The following AHCY variants were observed in gnomAD, a reference collection of about 807,000 sequenced individuals.
The protein encoded by AHCY is adenosylhomocysteinase.
In AHCY, 24 loss-of-function variants were observed where a neutral mutation model predicts 45.4. That is an observed-to-expected ratio of 0.53 (90% CI 0.38 to 0.74). The LOEUF (loss-of-function observed/expected upper bound fraction) is 0.74. AHCY is among the 30% of genes least tolerant of loss of function. The pLI is 0.00. For synonymous variants in AHCY, 245 were observed against 235.1 expected, an observed-to-expected ratio of 1.04 and a Z score of -0.39; for missense variants, 449 against 594.1, an observed-to-expected ratio of 0.76 and a Z score of 2.54.
At chr20:34,276,211 G>A (rs556330464), downstream of AHCY, among the ~76,000 whole-genome samples, 14 of 152,300 alleles carry the variant, frequency 9.2e-5, no homozygotes, top group Middle Eastern at 3.4e-3. Flanking sequence ...GAAACACTGG[G>A]GACGTTGTTA....
chr20:34,290,796 C>T lies in AHCY; in HGVS notation c.701G>A (p.Gly234Asp). 1 of 1,614,194 alleles carries T rather than the reference C, an allele frequency of 6.2e-7. No homozygotes were observed. Among genetic ancestry groups the T allele is most frequent in the Non-Finnish European group, 8.5e-7 (1 of 1,180,028 alleles). ...GGTGATGATGACGCGGGCTCCGAAA[C>T]CCCGCAGGGCCTGGGCACAGCCCTT... ...VGKGCAQALR[G>D]FGARVIITEI... Residue 234 changes from glycine (G) to aspartate (D), a missense_variant, in exon 6 of 10, where the codon GGT (glycine) becomes GAT (aspartate). Coordinates refer to ENST00000217426, the MANE Select transcript of AHCY (RefSeq NM_000687.4). This position sits in a 1 kb window ranked among gnomAD's most constrained non-coding sequence, Gnocchi z 4.5.
chr20:34,298,762 T>C (rs2036670735), intron 1 of AHCY, among the ~76,000 whole-genome samples: 2 of 152,200 alleles, frequency 1.3e-5, no homozygotes, highest in African/African-American at 4.8e-5. Flanking sequence ...GTCACACTCC[T>C]AGTCTGCCTT....
At chr20:34,274,015 C>G in the AHCY span, among the ~76,000 whole-genome samples, 1 of 152,088 alleles carries the variant, frequency 6.6e-6, no homozygotes, top group Non-Finnish European at 1.5e-5. Flanking sequence ...ATTATTATGC[C>G]TTCTTTTTGC....
upstream of AHCY, among the ~76,000 whole-genome samples, chr20:34,307,629 C>T (rs937688663): frequency 2.6e-5 from 4 of 152,248 alleles, no homozygotes; most frequent in African/African-American, 9.6e-5. Context: ...GCCCTGGCTT[C>T]CCAAAGTATT....
At chr20:34,246,402 GCATATAT>G in the AHCY span, 69 of 1,375,456 alleles carry the variant, frequency 5.0e-5, no homozygotes, top group Non-Finnish European at 6.8e-5. Context: ...GCAACATCAG[GCATATAT>G]TCACAGTACT....
chr20:34,248,311 A>T, the AHCY span, among the ~76,000 whole-genome samples: 2 of 152,172 alleles, frequency 1.3e-5, no homozygotes, highest in South Asian at 4.1e-4. Flanking sequence ...AACTTTGGGG[A>T]AAAACATTCT....
the AHCY span, among the ~76,000 whole-genome samples, chr20:34,241,932 A>G: frequency 2.6e-5 from 4 of 152,358 alleles, no homozygotes; most frequent in African/African-American, 9.6e-5. Context: ...CATATTTATT[A>G]GAGATGAAAC....
chr20:34,269,686 T>C, the AHCY span, among the ~76,000 whole-genome samples: 1 of 150,908 alleles, frequency 6.6e-6, no homozygotes, highest in South Asian at 2.1e-4. Context: ...GGCTCACGCC[T>C]GTAATCCCAG....
chr20:34,290,276 A>G lies in AHCY; in HGVS notation c.972+56T>C. 4 of 1,540,000 alleles carry G rather than the reference A, an allele frequency of 2.6e-6. No homozygotes were observed. Among genetic ancestry groups the G allele is most frequent in the Non-Finnish European group, 3.6e-6 (4 of 1,116,442 alleles). On this transcript the variant is annotated intron_variant, in intron 8 of 9. Transcript: ENST00000217426. This position sits in a 1 kb window ranked among gnomAD's most constrained non-coding sequence, Gnocchi z 4.5. ...TCCTCAGCTCTCCTCCCTGGCAGCC[A>G]GCACTCCTCTGCACTCCCATCTGCC...
intron 1 of AHCY, chr20:34,302,816 C>A: frequency 9.8e-7 from 1 of 1,025,230 alleles, no homozygotes; most frequent in Non-Finnish European, 1.2e-6. Context: ...GTGCCCTCGC[C>A]GTCCCTGTAG....
In AHCY at chr20:34,308,936, G is replaced by A. The variant is rs141539073; in HGVS notation, c.-57+2536C>T. Among the ~76,000 whole-genome samples, 1,257 of 150,412 alleles carry A rather than the reference G, an allele frequency of 8.4e-3. 19 individuals are homozygous for A. The highest frequency in any genetic ancestry group is 0.029 in the African/African-American group (1,196 of 40,760). On this transcript the variant is annotated intron_variant, in intron 1 of 9. Coordinates refer to the AHCY transcript ENST00000538132. ...CCCAAAGTGCTGGGATTACAGGCGT[G>A]AGCCACTGCGCCTGGCCAATTTTTT...
At chr20:34,291,697 C>T (rs1265126875) in intron 4 of AHCY, among the ~76,000 whole-genome samples, 166 bp from the exon 5 acceptor site, 5 of 152,166 alleles carry the variant, frequency 3.3e-5, no homozygotes, top group Admixed American at 1.3e-4. Context: ...GAGTCCCCAA[C>T]GCCCTCCTAC....
At chr20:34,273,163 G>A in the AHCY span, among the ~76,000 whole-genome samples, 5 of 151,840 alleles carry the variant, frequency 3.3e-5, no homozygotes, top group African/African-American at 1.2e-4. Flanking sequence ...CCCAGAGGTT[G>A]GGGGATGGGG....
At chr20:34,232,752 C>T in the AHCY span, among the ~76,000 whole-genome samples, 7 of 152,168 alleles carry the variant, frequency 4.6e-5, no homozygotes, top group African/African-American at 1.2e-4. Flanking sequence ...GTATGTCCAC[C>T]TTTGACAGCA....
At chr20:34,303,358 A>G (rs1378006166), upstream of AHCY, 27 of 1,532,116 alleles carry the variant, frequency 1.8e-5, no homozygotes, top group Non-Finnish European at 2.1e-5. Context: ...GAGCAGGGAT[A>G]TGCGCGTGGC....
At chr20:34,294,247 T>C in intron 2 of AHCY, 91 bp from the exon 3 acceptor site, 1 of 1,168,894 alleles carries the variant, frequency 8.6e-7, no homozygotes, top group East Asian at 2.5e-5. Flanking sequence ...CTTCGGGTAG[T>C]GGGGAGAGGC....
downstream of AHCY, among the ~76,000 whole-genome samples, chr20:34,276,539 G>A (rs2035911775): frequency 6.6e-6 from 1 of 152,134 alleles, no homozygotes; most frequent in African/African-American, 2.4e-5. Flanking sequence ...ATGCTAAGCA[G>A]TGTGAATTTA....
At chr20:34,302,789 C>T (rs2036822797) in intron 1 of AHCY, 15 of 1,004,662 alleles carry the variant, frequency 1.5e-5, no homozygotes, top group Non-Finnish European at 1.8e-5. Context: ...CAGGCCTCTC[C>T]TCATACACCC....
In AHCY at chr20:34,303,355, G is replaced by T; in HGVS notation, c.-85C>A. 1 of 1,535,260 alleles carries T rather than the reference G, an allele frequency of 6.5e-7. No homozygotes were observed. Among genetic ancestry groups the T allele is most frequent in the Non-Finnish European group, 8.8e-7 (1 of 1,132,198 alleles). On this transcript the variant is annotated 5_prime_UTR_variant, in exon 1 of 10. Coordinates refer to ENST00000217426, the MANE Select transcript of AHCY (RefSeq NM_000687.4). ...AACTGGGCGGGCAGCGCCGAGCAGG[G>T]ATATGCGCGTGGCGCCGACGCCTTT...
Sources: allele counts gnomAD v4.1 joint callset (sites outside exome capture counted in the v4.1 genomes callset), GRCh38; gene constraint gnomAD v4.1.1; non-coding constraint Gnocchi (gnomAD v3.1); transcripts MANE v1.5; gene names NCBI Gene and HGNC (gene_info 2026-07-23, HGNC 2026-07-21).